Variants in HNRNPU observed in about 807,000 individuals in gnomAD.
HNRNPU encodes the protein heterogeneous nuclear ribonucleoprotein U.
In HNRNPU, 5 loss-of-function variants were observed where a neutral mutation model predicts 94.7. The observed-to-expected ratio is 0.05, with a 90% CI of 0.03 to 0.11. The LOEUF (loss-of-function observed/expected upper bound fraction) is 0.11, where lower values mean the gene tolerates loss of function less well. Ranked by LOEUF, HNRNPU falls within the 10% of genes least tolerant of loss-of-function variation. HNRNPU has a pLI of 1.00. For missense variants in HNRNPU, 710 were observed against 1,049.2 expected (o/e 0.68, Z 4.47); for synonymous variants, 434 against 381.6 (o/e 1.14, Z -1.60).
intron 3 of HNRNPU, 125 bp downstream of exon 3, chr1:244,862,336 A>G (rs1445040726): frequency 3.1e-6 from 2 of 650,840 alleles, no homozygotes; most frequent in African/African-American, 3.7e-5. Flanking sequence ...GTAAACCATT[A>G]TCTTCCTGCT....
At chr1:244,856,321 T>A in intron 10 of HNRNPU, 136 bp downstream of exon 10, 1 of 1,160,314 alleles carries the variant, frequency 8.6e-7, no homozygotes, top group Non-Finnish European at 1.2e-6. Flanking sequence ...CCTGAAGCAG[T>A]ATTGCTGGAA....
At chr1:244,862,576 C>T in intron 2 of HNRNPU, 42 bp from the exon 3 acceptor site, 2 of 1,608,536 alleles carry the variant, frequency 1.2e-6, no homozygotes, top group Non-Finnish European at 1.7e-6. Flanking sequence ...TTCCGATCAA[C>T]GAACGAATAA....
At chr1:244,857,360 C>T in intron 8 of HNRNPU, 1 of 391,084 alleles carries the variant, frequency 2.6e-6, no homozygotes, top group Non-Finnish European at 4.5e-6. Context: ...ATTGTCCCTG[C>T]CTCAACCTCC....
chr1:244,854,643 C>T, intron 13 of HNRNPU, 140 bp from the exon 14 acceptor site: 1 of 645,044 alleles, frequency 1.6e-6, no homozygotes, highest in Non-Finnish European at 2.7e-6. Flanking sequence ...TTCTACCAAA[C>T]CAGATTTAGT....
chr1:244,862,595 T>C, intron 2 of HNRNPU, 24 bp downstream of exon 2: 1 of 1,606,238 alleles, frequency 6.2e-7, no homozygotes, highest in Non-Finnish European at 8.5e-7. Flanking sequence ...AAGGGATGAG[T>C]AAAACTAGGT....
chr1:244,860,274 C>T, intron 4 of HNRNPU, 61 bp downstream of exon 4: 10 of 1,487,006 alleles, frequency 6.7e-6, no homozygotes, highest in Non-Finnish European at 8.3e-6. Flanking sequence ...GCAATCCAGC[C>T]TAGGGAACAG....
At chr1:244,860,657 A>C in intron 3 of HNRNPU, 183 bp from the exon 4 acceptor site, 1 of 595,890 alleles carries the variant, frequency 1.7e-6, no homozygotes, top group Non-Finnish European at 3.0e-6. Context: ...ACTCCTGTTA[A>C]ATTATGTACT....
Position 244,864,397 on chromosome 1 carries a change from G to A in HNRNPU, c.-90C>T. The A allele has an allele frequency of 7.0e-6, 11 of 1,570,498 alleles. No homozygotes were observed. The highest frequency in any genetic ancestry group is 1.4e-5 in the African/African-American group (1 of 72,154). On this transcript the variant is annotated 5_prime_UTR_variant, in exon 1 of 14. Coordinates refer to ENST00000640218, the MANE Select transcript of HNRNPU (RefSeq NM_031844.3). ...TGGCGGCTGCTGCGGCTGCTCCTCG[G>A]CCCGGGCGGCGGCTGCGGCTGCGGC...
At chr1:244,854,904 T>G in intron 13 of HNRNPU, 69 bp downstream of exon 13, 1 of 1,233,148 alleles carries the variant, frequency 8.1e-7, no homozygotes, top group Non-Finnish European at 1.2e-6. Context: ...AAGATCTTTT[T>G]CAAGACTGAT....
intron 12 of HNRNPU, 171 bp downstream of exon 12, chr1:244,855,253 G>GA (rs1680647254): frequency 2.6e-6 from 2 of 774,154 alleles, no homozygotes; most frequent in African/African-American, 1.7e-5. Flanking sequence ...TAGTACACCT[G>GA]AAAAAACTCA....
rs759528610 is a variant in HNRNPU, at chr1:244,863,687, C to T, written c.621G>A (p.Gln207=). ...TVAPPGARQG[Q]QQAGGKKKAE... ...CCTTCTTCTTACCTCCCGCCTGCTG[C>T]TGGCCCTGCCTCGCCCCGGGCGGCG... Residue 207 remains glutamine, a synonymous_variant, in exon 1 of 14, where the codon CAG becomes CAA. Transcript: ENST00000640218. 1.5e-4 allele frequency: 231 copies of T among 1,563,742 alleles called. No homozygotes were observed. The highest frequency in any genetic ancestry group is 1.8e-4 in the Non-Finnish European group (214 of 1,164,198).
Position 244,863,855 on chromosome 1 carries a change from G to A in HNRNPU, c.453C>T (p.Gly151=), listed in dbSNP as rs757950940. The change falls in exon 1 of 14, where the codon GGC becomes GGT. Residue 151 remains glycine (G), a synonymous_variant. Coordinates refer to ENST00000640218, the MANE Select transcript of HNRNPU (RefSeq NM_031844.3). ...GEDELGDEEE[G]AGDENGHGEQ... ...CCCCGTGCCCGTTCTCGTCGCCCGC[G>A]CCTTCCTCTTCGTCCCCGAGCTCAT... is the stretch of plus-strand genomic sequence containing the variant. The A allele has an allele frequency of 5.6e-6, 9 of 1,613,306 alleles. No individual in the cohort carries two copies. The highest frequency in any genetic ancestry group is 1.7e-5 in the Admixed American group (1 of 59,972).
At chr1:244,854,855 T>C (rs1680637894) in intron 13 of HNRNPU, 118 bp downstream of exon 13, 1 of 844,322 alleles carries the variant, frequency 1.2e-6, no homozygotes, top group South Asian at 1.5e-5. Context: ...GATTCACACT[T>C]TACCCTATTA....
chr1:244,856,427 T>C (rs1680683144), intron 10 of HNRNPU, 30 bp downstream of exon 10: 7 of 1,584,086 alleles, frequency 4.4e-6, no homozygotes, highest in Non-Finnish European at 5.2e-6. Context: ...AAAGAAGATT[T>C]CACACAGTAA....
intron 8 of HNRNPU, 41 bp downstream of exon 8, chr1:244,857,557 T>TA (rs1208127740): frequency 6.3e-7 from 1 of 1,593,194 alleles, no homozygotes; most frequent in East Asian, 2.2e-5. Flanking sequence ...TCTCCCAGTC[T>TA]ATTTTAAACA....
At position 244,857,733 on chromosome 1, in the gene HNRNPU, G is replaced by T; in HGVS notation, c.1495-16C>A. Reference sequence around the variant, plus strand: ...TCATCACAACCTAGTGAAAAGAAAAGAAATGTCATTTCACTGTCAGTAGAC... The same window carrying T: ...TCATCACAACCTAGTGAAAAGAAAATAAATGTCATTTCACTGTCAGTAGAC... On this transcript the variant is annotated splice_polypyrimidine_tract_variant and intron_variant, in intron 7 of 13. Transcript: ENST00000640218. 6.2e-7 allele frequency: 1 copy of T among 1,609,746 alleles called. No individual in the cohort carries two copies. The highest frequency in any genetic ancestry group is 8.5e-7 in the Non-Finnish European group (1 of 1,178,590).
Position 244,853,866 on chromosome 1 carries a change from T to C in HNRNPU, c.*584A>G, listed in dbSNP as rs1204167889. On this transcript the variant is annotated 3_prime_UTR_variant, in exon 14 of 14. Transcript: ENST00000640218. ...CCAAGTTTTAGTTTTCAATCCCAAT[T>C]ATACCAATTCCATTGTTATTTTAAG... 1 of 152,738 alleles carries C rather than the reference T, an allele frequency of 6.5e-6. No individual in the cohort carries two copies. Among genetic ancestry groups the C allele is most frequent in the Non-Finnish European group, 1.5e-5 (1 of 68,086 alleles). 9.5% of individuals were successfully genotyped at this position (152,738 alleles called of 1,614,324 possible).
intron 1 of HNRNPU, chr1:244,863,253 GCACCGCGCGCACGCAGCGCGACGGCGC>G (rs1558190012): frequency 5.6e-6 from 1 of 178,872 alleles, no homozygotes; most frequent in Non-Finnish European, 1.1e-5. Context: ...ACATGTGCCC[GCACCGCGCGCACGCAGCGCGACGGCGC>G]CACCGCGGGC....
chr1:244,858,282 A>G lies in HNRNPU; in HGVS notation c.1231-8T>C. 6.2e-7 allele frequency: 1 copy of G among 1,605,854 alleles called. No individual in the cohort carries two copies. The highest frequency in any genetic ancestry group is 8.5e-7 in the Non-Finnish European group (1 of 1,176,672). Reference sequence around the variant, plus strand: ...TTCATCACTTTCAAAGTTCTGTTACACAGAAAAAAATTCAACAGTTAAAAT... The same window carrying G: ...TTCATCACTTTCAAAGTTCTGTTACGCAGAAAAAAATTCAACAGTTAAAAT... On this transcript the variant is annotated splice_region_variant and splice_polypyrimidine_tract_variant and intron_variant, in intron 6 of 13. Coordinates refer to ENST00000640218, the MANE Select transcript of HNRNPU (RefSeq NM_031844.3).
Sources: gnomAD v4.1 joint callset for allele counts on GRCh38, gnomAD v4.1.1 for gene constraint, MANE v1.5 for transcripts, NCBI Gene and HGNC (gene_info 2026-07-23, HGNC 2026-07-21) for gene names.